The following AGMO variants were observed in gnomAD, a reference collection of about 807,000 sequenced individuals.
The protein encoded by AGMO is glyceryl-ether monooxygenase.
In AGMO, 75 loss-of-function variants were observed where a neutral mutation model predicts 60.2. That is an observed-to-expected ratio of 1.25 (90% CI 1.03 to 1.51). AGMO has a LOEUF of 1.51. AGMO is among the 40% of genes most tolerant of loss of function. The pLI, the probability that AGMO is intolerant of heterozygous loss-of-function variation, is 0.00. For missense variants in AGMO, 763 were observed against 525.5 expected, an observed-to-expected ratio of 1.45 and a Z score of -4.42; for synonymous variants, 261 against 177.1, an observed-to-expected ratio of 1.47 and a Z score of -3.76.
At chr7:15,179,020 C>T in the AGMO span, among the ~76,000 whole-genome samples, 2 of 152,228 alleles carry the variant, frequency 1.3e-5, 1 homozygote, top group South Asian at 4.2e-4. Flanking sequence ...TTCATAAGGG[C>T]AGAGCCCTCA....
At chr7:15,425,163 C>A (rs1781027921) in intron 4 of AGMO, among the ~76,000 whole-genome samples, 1 of 152,088 alleles carries the variant, frequency 6.6e-6, no homozygotes, top group Admixed American at 6.6e-5. Context: ...ATTTCATATG[C>A]AAAATCACTG....
intron 12 of AGMO, among the ~76,000 whole-genome samples, chr7:15,324,923 C>T (rs529471423): frequency 6.6e-5 from 10 of 152,094 alleles, no homozygotes; most frequent in Non-Finnish European, 1.5e-4. Context: ...CCAACCAGTC[C>T]GTGGTTGGGG....
intron 3 of AGMO, among the ~76,000 whole-genome samples, chr7:15,503,692 G>C (rs1304163102): frequency 2.0e-5 from 3 of 151,810 alleles, no homozygotes; most frequent in Non-Finnish European, 2.9e-5. Flanking sequence ...TCCAAGAATG[G>C]CGTAACACAA....
Position 15,340,416 on chromosome 7 carries a change from G to C in AGMO, c.1263+25098C>G, listed in dbSNP as rs572951429. On this transcript the variant is annotated intron_variant, in intron 12 of 12. Coordinates refer to ENST00000342526, the MANE Select transcript of AGMO (RefSeq NM_001004320.2). ...TCAGGTCGGCTCTTTAGAGGTGCCA[G>C]AGACAATCTTACTACATAACAAATT... is the stretch of plus-strand genomic sequence containing the variant. 7.9e-5 allele frequency among the ~76,000 whole-genome samples: 12 copies of C among 152,296 alleles called. No homozygotes were observed. The South Asian group carries it at 2.3e-3, about 29-fold the overall frequency.
At position 15,247,397 on chromosome 7, in the gene AGMO, T is replaced by C. The variant is rs1782770645; in HGVS notation, c.1264-46038A>G. 2.0e-5 allele frequency among the ~76,000 whole-genome samples: 3 copies of C among 150,816 alleles called. No individual in the cohort carries two copies. The South Asian group carries it at 6.3e-4, about 32-fold the overall frequency. The stretch of plus-strand genomic sequence containing the variant: ...CCAAGTTATAGTTACATTTTGTTAA[T>C]ATATGACTTGGAGATTTCACACACA... On this transcript the variant is annotated intron_variant, in intron 12 of 12. Coordinates refer to ENST00000342526, the MANE Select transcript of AGMO (RefSeq NM_001004320.2).
intron 10 of AGMO, among the ~76,000 whole-genome samples, chr7:15,383,764 A>G (rs1210651846): frequency 6.6e-6 from 1 of 152,000 alleles, no homozygotes; most frequent in African/African-American, 2.4e-5. Flanking sequence ...GTATTCACTG[A>G]ATGTTAATCC....
At chr7:15,391,538 G>A (rs185733286) in intron 6 of AGMO, among the ~76,000 whole-genome samples, 42 of 152,136 alleles carry the variant, frequency 2.8e-4, no homozygotes, top group African/African-American at 9.9e-4. Flanking sequence ...ATATCCACAT[G>A]ACTGTAAATC....
intron 3 of AGMO, among the ~76,000 whole-genome samples, chr7:15,453,018 G>A (rs10277760): frequency 0.015 from 2,235 of 152,188 alleles, 56 homozygotes; most frequent in African/African-American, 0.052. Context: ...TTCAAAATAG[G>A]CAACTCCACA....
chr7:15,453,728 A>G (rs1781916567), intron 3 of AGMO, among the ~76,000 whole-genome samples: 1 of 152,148 alleles, frequency 6.6e-6, no homozygotes, highest in Admixed American at 6.5e-5. Flanking sequence ...GGAGCTGAGC[A>G]GGTCAGCACA....
the AGMO span, among the ~76,000 whole-genome samples, chr7:15,182,357 T>C: frequency 6.6e-6 from 1 of 152,212 alleles, no homozygotes; most frequent in South Asian, 2.1e-4. Context: ...TGATAAATTT[T>C]GTTATATATT....
At chr7:15,439,450 C>A (rs1189810512) in intron 3 of AGMO, among the ~76,000 whole-genome samples, 1 of 152,126 alleles carries the variant, frequency 6.6e-6, no homozygotes, top group Non-Finnish European at 1.5e-5. Flanking sequence ...TTTCCTCCCT[C>A]CCTTCTTTCT....
chr7:15,271,412 T>C (rs894354152), intron 12 of AGMO, among the ~76,000 whole-genome samples: 2 of 152,168 alleles, frequency 1.3e-5, no homozygotes, highest in Admixed American at 6.5e-5. Context: ...CCTAGGTATT[T>C]TATTTTTGAG....
chr7:15,363,559 T>C (rs892656939), intron 12 of AGMO, among the ~76,000 whole-genome samples: 2 of 152,174 alleles, frequency 1.3e-5, no homozygotes, highest in African/African-American at 4.8e-5. Context: ...AAGAATCAAA[T>C]TCAGGCAATA....
At chr7:15,400,280 C>A (rs1409880282) in intron 5 of AGMO, among the ~76,000 whole-genome samples, 1 of 152,060 alleles carries the variant, frequency 6.6e-6, no homozygotes, top group African/African-American at 2.4e-5. Context: ...CACCACCCCC[C>A]CAAGCAATTT....
intron 3 of AGMO, among the ~76,000 whole-genome samples, chr7:15,497,026 T>G (rs1043297819): frequency 6.6e-6 from 1 of 152,110 alleles, no homozygotes; most frequent in South Asian, 2.1e-4. Flanking sequence ...AATTTTGAGA[T>G]GGATTTTATA....
chr7:15,397,334 C>T (rs951608503), intron 5 of AGMO, among the ~76,000 whole-genome samples: 11 of 151,724 alleles, frequency 7.3e-5, no homozygotes, highest in Non-Finnish European at 1.6e-4. Flanking sequence ...GCCCGGAACC[C>T]GAGCCGGCCC....
At chr7:15,481,286 G>A (rs1011309731) in intron 3 of AGMO, among the ~76,000 whole-genome samples, 3 of 152,158 alleles carry the variant, frequency 2.0e-5, no homozygotes, top group Middle Eastern at 3.4e-3. Context: ...AAACTGCAAC[G>A]GAATCTTTGT....
At chr7:15,459,880 C>T (rs1232271986) in intron 3 of AGMO, among the ~76,000 whole-genome samples, 3 of 151,786 alleles carry the variant, frequency 2.0e-5, no homozygotes, top group Non-Finnish European at 2.9e-5. Context: ...CTATCAGATA[C>T]CATGTTTTAT....
downstream of AGMO, among the ~76,000 whole-genome samples, chr7:15,198,254 AGACAGAGACAGAGAGAGAGT>A (rs1448538021): frequency 1.2e-3 from 76 of 61,846 alleles, 4 homozygotes; most frequent in South Asian, 3.3e-3. Flanking sequence ...AGAGAGAGAG[AGACAGAGACAGAGAGAGAGT>A]GTGTTAAAGT....
Sources: allele counts gnomAD v4.1 joint callset (sites outside exome capture counted in the v4.1 genomes callset), GRCh38; gene constraint gnomAD v4.1.1; transcripts MANE v1.5; gene names NCBI Gene and HGNC (gene_info 2026-07-23, HGNC 2026-07-21).